WDR37: variants seen among roughly 807,000 people sequenced by gnomAD.
WDR37 encodes the protein WD repeat-containing protein 37.
Under a neutral mutation model 62.9 loss-of-function variants are expected in WDR37, and 19 were observed. That is an observed-to-expected ratio of 0.30 (90% confidence interval 0.21 to 0.44). The LOEUF is 0.44. Ranked by LOEUF, WDR37 falls within the 20% of genes least tolerant of loss-of-function variation. The pLI is 1.00. For missense variants in WDR37, 474 were observed against 657.6 expected, an observed-to-expected ratio of 0.72 and a Z score of 3.05; for synonymous variants, 250 against 260.9, an observed-to-expected ratio of 0.96 and a Z score of 0.40.
At chr10:1,067,276 CA>C (rs1833582126) in intron 1 of WDR37, among the ~76,000 whole-genome samples, 1 of 152,126 alleles carries the variant, frequency 6.6e-6, no homozygotes, top group Non-Finnish European at 1.5e-5. Flanking sequence ...TTAAATTTTA[CA>C]CCTTATAAAA....
intron 6 of WDR37, among the ~76,000 whole-genome samples, chr10:1,085,355 G>A (rs1053857694): frequency 3.3e-5 from 5 of 152,178 alleles, no homozygotes; most frequent in African/African-American, 1.2e-4. Flanking sequence ...GCAGTTGAGG[G>A]ACAGTAGTTT....
chr10:1,069,192 A>G (rs1485395172), intron 1 of WDR37, among the ~76,000 whole-genome samples: 1 of 151,928 alleles, frequency 6.6e-6, no homozygotes, highest in East Asian at 1.9e-4. Flanking sequence ...GGTGTCTTAC[A>G]TGGTGTGTGA....
chr10:1,093,792 A>G (rs371791486), intron 8 of WDR37, among the ~76,000 whole-genome samples: 2 of 152,302 alleles, frequency 1.3e-5, no homozygotes, highest in South Asian at 4.1e-4. Flanking sequence ...GTTCCTGTAG[A>G]CGGAGCTCCT....
At chr10:1,067,103 G>A (rs545831557) in intron 1 of WDR37, among the ~76,000 whole-genome samples, 1 of 152,088 alleles carries the variant, frequency 6.6e-6, no homozygotes, top group Middle Eastern at 3.4e-3. Flanking sequence ...TATGTAGATC[G>A]GTGGAACAGA....
chr10:1,066,306 C>CG (rs1833541337), intron 1 of WDR37, among the ~76,000 whole-genome samples: 1 of 152,088 alleles, frequency 6.6e-6, no homozygotes, highest in Non-Finnish European at 1.5e-5. Flanking sequence ...TTAGTAGAGA[C>CG]GGGGTTTCAC....
chr10:1,093,470 A>G lies in WDR37; in HGVS notation c.623A>G (p.His208Arg). ...TTTGCAGTAAATTCTATCAAATTTC[A>G]TCCCTCAGAGCAGTTGGCTCTCACT... ...HVGSVNSIKF[H>R]PSEQLALTAS... is the part of the protein sequence containing the mutation. Residue 208 changes from histidine (H) to arginine (R), a missense_variant, in exon 8 of 14, where the codon CAT becomes CGT. Coordinates refer to ENST00000263150, the MANE Select transcript of WDR37 (RefSeq NM_014023.4). 1.2e-6 allele frequency: 2 copies of G among 1,608,746 alleles called. No individual in the cohort carries two copies. Among genetic ancestry groups the G allele is most frequent in the Non-Finnish European group, 1.7e-6 (2 of 1,178,502 alleles).
Position 1,077,422 on chromosome 10 carries a change from T to C in WDR37, c.139-485T>C, listed in dbSNP as rs566069247. ...CTTCACAACACTCTTTTAGGTGTTA[T>C]GTCGAGTGATGGGAGAGTGACTGTG... On this transcript the variant is annotated intron_variant, in intron 2 of 13. Coordinates refer to ENST00000263150, the MANE Select transcript of WDR37 (RefSeq NM_014023.4). Among the ~76,000 whole-genome samples, 142 of 152,330 alleles carry C rather than the reference T, an allele frequency of 9.3e-4. 1 individual carries two copies. The highest frequency in any genetic ancestry group is 1.7e-3 in the Non-Finnish European group (115 of 68,038).
At chr10:1,095,982 T>G (rs1834561438) in intron 8 of WDR37, among the ~76,000 whole-genome samples, 188 bp from the exon 9 acceptor site, 1 of 152,236 alleles carries the variant, frequency 6.6e-6, no homozygotes. Flanking sequence ...ATTTTGGACA[T>G]GTACTCTATT....
chr10:1,124,358 G>A lies in WDR37; in HGVS notation c.1238+6G>A. On this transcript the variant is annotated splice_donor_region_variant and intron_variant, in intron 12 of 13. Transcript: ENST00000263150. Reference sequence around the variant, plus strand: ...ACGGACTCTGCCATTAACAGGTAAAGTCAAACTGTTGGTTAAGTAAGTGGC... The same window carrying A: ...ACGGACTCTGCCATTAACAGGTAAAATCAAACTGTTGGTTAAGTAAGTGGC... 6.2e-7 allele frequency: 1 copy of A among 1,614,138 alleles called. No homozygotes were observed. Among genetic ancestry groups the A allele is most frequent in the Non-Finnish European group, 8.5e-7 (1 of 1,180,028 alleles).
At chr10:1,091,198 C>T (rs372352880) in intron 7 of WDR37, among the ~76,000 whole-genome samples, 4 of 152,346 alleles carry the variant, frequency 2.6e-5, no homozygotes, top group Middle Eastern at 3.4e-3. Flanking sequence ...CCACCCACAC[C>T]TCACAGTGGC....
At chr10:1,125,937 C>A (rs115443928) in intron 13 of WDR37, among the ~76,000 whole-genome samples, 2 of 152,210 alleles carry the variant, frequency 1.3e-5, no homozygotes, top group Admixed American at 1.3e-4. Context: ...CAAAGAGAAT[C>A]GAGACTCCAT....
chr10:1,072,350 G>A (rs930086041), intron 2 of WDR37, 57 bp downstream of exon 2: 6 of 1,596,078 alleles, frequency 3.8e-6, no homozygotes, highest in Admixed American at 1.7e-5. Flanking sequence ...ACAGAGTTTC[G>A]CTCGTTTCCC....
rs113115984 is a variant in WDR37, at chr10:1,059,776, G to A, written c.-41+2808G>A. On this transcript the variant is annotated intron_variant, in intron 1 of 13. Coordinates refer to ENST00000263150, the MANE Select transcript of WDR37 (RefSeq NM_014023.4). ...CGCGCCACTGCACTCCAACCTGGGC[G>A]ACAGAGCGAGACTCTGTCTCAAAAA... Among the ~76,000 whole-genome samples the A allele has an allele frequency of 2.9e-3, 445 of 152,270 alleles. 2 individuals are homozygous for A. The highest frequency in any genetic ancestry group is 9.6e-3 in the African/African-American group (400 of 41,562).
intron 1 of WDR37, among the ~76,000 whole-genome samples, chr10:1,068,355 C>CCTGTAGTCCCAGCCACTCGGTAGG: frequency 8.7e-6 from 1 of 115,496 alleles, no homozygotes; most frequent in East Asian, 2.6e-4. Context: ...GTGGCGGGCG[C>CCTGTAGTCCCAGCCACTCGGTAGG]CTGAGGCAGG....
chr10:1,097,583 G>C (rs1259675968), intron 9 of WDR37, among the ~76,000 whole-genome samples: 1 of 152,222 alleles, frequency 6.6e-6, no homozygotes, highest in African/African-American at 2.4e-5. Context: ...AAGTGTGGGA[G>C]CCTCCTTGGT....
rs545075156 is a variant in WDR37 at position 1,126,383 on chromosome 10, G to C, written c.1353+1359G>C. Among the ~76,000 whole-genome samples the C allele has an allele frequency of 5.4e-5, 8 of 147,780 alleles. No individual in the cohort carries two copies. In the South Asian group the frequency reaches 1.5e-3, roughly 28 times the overall value. Reference sequence around the variant, plus strand: ...ATCGCGCCACTGCACTCCAGCCTGGGCGACAGAGCGAGACTGTGTCTCAGA... The same window carrying C: ...ATCGCGCCACTGCACTCCAGCCTGGCCGACAGAGCGAGACTGTGTCTCAGA... On this transcript the variant is annotated intron_variant, in intron 13 of 13. Transcript: ENST00000263150.
chr10:1,088,387 A>G (rs1392820236), intron 7 of WDR37, among the ~76,000 whole-genome samples: 1 of 152,166 alleles, frequency 6.6e-6, no homozygotes, highest in East Asian at 1.9e-4. Context: ...ATTTAAAGGG[A>G]GCAATGTGCA....
At chr10:1,081,043 T>G (rs1383645283) in intron 5 of WDR37, among the ~76,000 whole-genome samples, 1 of 152,170 alleles carries the variant, frequency 6.6e-6, no homozygotes, top group Admixed American at 6.6e-5. Flanking sequence ...TTAATTGGCT[T>G]AATATAAAGG....
intron 7 of WDR37, among the ~76,000 whole-genome samples, chr10:1,088,380 T>C (rs1834271232): frequency 6.6e-6 from 1 of 152,210 alleles, no homozygotes; most frequent in Non-Finnish European, 1.5e-5. Context: ...GCTTTTGATT[T>C]AAAGGGAGCA....
Sources: gnomAD v4.1 joint callset for allele counts (sites outside exome capture counted in the v4.1 genomes callset) on GRCh38, gnomAD v4.1.1 for gene constraint, MANE v1.5 for transcripts, NCBI Gene and HGNC (gene_info 2026-07-23, HGNC 2026-07-21) for gene names.